Variants in UBE4B observed in about 807,000 individuals in gnomAD.
UBE4B encodes ubiquitin conjugation factor E4 B.
A neutral mutation model predicts 148.1 loss-of-function variants in UBE4B; 27 were observed. That is an observed-to-expected ratio of 0.18 (90% CI 0.13 to 0.25). The LOEUF is 0.25. Ranked by LOEUF, UBE4B falls within the 10% of genes least tolerant of loss-of-function variation. The probability of loss-of-function intolerance (pLI) is 1.00; values close to 1 mark genes in which losing one functional copy is unlikely to be tolerated. For missense variants in UBE4B, 1,170 were observed against 1,662.4 expected (o/e 0.70, Z 5.15); for synonymous variants, 596 against 619.3 (o/e 0.96, Z 0.56).
rs35822677 is a variant in UBE4B, at chr1:10,118,868, C to CTTTTTTTTTTTTTTT, written c.1339-626_1339-612dup. ...GTTTCACCATGTTGGCCAGGCTGGT[C>CTTTTTTTTTTTTTTT]TTTTTTTTTTTTTTTTTTTTTTTTT... is the stretch of plus-strand genomic sequence containing the variant. On this transcript the variant is annotated intron_variant, in intron 8 of 27. Transcript: ENST00000343090. 1.3e-4 allele frequency among the ~76,000 whole-genome samples: 3 copies of CTTTTTTTTTTTTTTT among 23,092 alleles called. 1 individual carries two copies. The highest frequency in any genetic ancestry group is 4.3e-4 in the African/African-American group (2 of 4,692). 15.1% of individuals were successfully genotyped at this position (23,092 alleles called of 152,430 possible).
At chr1:10,043,718 G>T (rs1035567856) in intron 1 of UBE4B, among the ~76,000 whole-genome samples, 1 of 152,152 alleles carries the variant, frequency 6.6e-6, no homozygotes, top group African/African-American at 2.4e-5. Context: ...GTGATCCAAC[G>T]CGCTGGGCCG....
intron 9 of UBE4B, 137 bp downstream of exon 9, chr1:10,119,750 C>T (rs902416930): frequency 1.3e-5 from 8 of 616,080 alleles, no homozygotes; most frequent in African/African-American, 9.3e-5. Context: ...CCCTTTCCTT[C>T]GCTAAAATAC....
intron 21 of UBE4B, among the ~76,000 whole-genome samples, chr1:10,154,383 T>TA (rs1455163591): frequency 5.3e-5 from 8 of 151,558 alleles, no homozygotes; most frequent in Non-Finnish European, 1.0e-4. Context: ...TAAAAAAATT[T>TA]TAAAAAAAAA....
intron 8 of UBE4B, 22 bp downstream of exon 8, chr1:10,117,622 TAAAAA>T (rs77011101): frequency 1.2e-6 from 1 of 800,072 alleles, no homozygotes; most frequent in African/African-American, 1.8e-5. Flanking sequence ...TGGATTAACT[TAAAAA>T]AAAAAAAGCC....
chr1:10,134,999 A>G lies in UBE4B; in HGVS notation c.2037A>G (p.Arg679=), dbSNP rs1645654767. 6.2e-7 allele frequency: 1 copy of G among 1,614,018 alleles called. No homozygotes were observed. The highest frequency in any genetic ancestry group is 1.1e-5 in the South Asian group (1 of 91,074). Residue 679 remains arginine (R), a synonymous_variant, in exon 16 of 28, where the codon AGA becomes AGG. Coordinates refer to ENST00000343090, the MANE Select transcript of UBE4B (RefSeq NM_001105562.3). ...MKKAQMQTDD[R]LVSTDGFMLN... The stretch of plus-strand genomic sequence containing the variant: ...TTCAACTTTCACAGACAGATGATAG[A>G]TTGGTGTCTACAGATGGATTTATGC...
intron 2 of UBE4B, among the ~76,000 whole-genome samples, chr1:10,083,832 C>T (rs1404728560): frequency 6.6e-6 from 1 of 152,120 alleles, no homozygotes; most frequent in African/African-American, 2.4e-5. Flanking sequence ...TTCGGGCCCC[C>T]AAAGGGGTAT....
At chr1:10,179,593 C>G in intron 27 of UBE4B, 31 bp downstream of exon 27, 6 of 1,609,016 alleles carry the variant, frequency 3.7e-6, no homozygotes, top group Non-Finnish European at 5.1e-6. Flanking sequence ...AGGTGCAGCG[C>G]TGGCGTCAGT....
At chr1:10,114,296 A>T (rs1415622416) in intron 7 of UBE4B, among the ~76,000 whole-genome samples, 2 of 152,208 alleles carry the variant, frequency 1.3e-5, no homozygotes. Context: ...AGTGCAGTGA[A>T]TATAGTCACT....
intron 1 of UBE4B, among the ~76,000 whole-genome samples, chr1:10,040,992 G>A (rs894880150): frequency 1.3e-5 from 2 of 152,054 alleles, no homozygotes; most frequent in African/African-American, 4.8e-5. Flanking sequence ...TTTTTCCTCA[G>A]AAGATAGTTG....
intron 15 of UBE4B, among the ~76,000 whole-genome samples, chr1:10,134,381 G>A (rs55704135): frequency 0.081 from 12,224 of 151,838 alleles, 759 homozygotes; most frequent in African/African-American, 0.18. Flanking sequence ...GCGTGGTGGC[G>A]GGTGCCTGTA....
chr1:10,118,285 G>A (rs1464661253), intron 8 of UBE4B, among the ~76,000 whole-genome samples: 1 of 152,122 alleles, frequency 6.6e-6, no homozygotes, highest in Non-Finnish European at 1.5e-5. Context: ...TTTGGGCTTT[G>A]TTGTACTTAG....
intron 2 of UBE4B, among the ~76,000 whole-genome samples, chr1:10,081,910 T>C (rs1644688792): frequency 6.6e-6 from 1 of 152,206 alleles, no homozygotes; most frequent in Admixed American, 6.5e-5. Flanking sequence ...AGACAAGTTC[T>C]CACTATGTTA....
At chr1:10,092,740 G>A (rs921663791) in intron 2 of UBE4B, among the ~76,000 whole-genome samples, 6 of 152,038 alleles carry the variant, frequency 3.9e-5, no homozygotes, top group Non-Finnish European at 5.9e-5. Flanking sequence ...AGGCAAGAGA[G>A]TTGCTTGAAC....
intron 2 of UBE4B, among the ~76,000 whole-genome samples, chr1:10,075,723 C>A (rs1644565532): frequency 6.6e-6 from 1 of 152,184 alleles, no homozygotes; most frequent in African/African-American, 2.4e-5. Context: ...AGTGAAAAAA[C>A]AAACAGAAAA....
Position 10,033,568 on chromosome 1 carries a change from G to C in UBE4B, c.-103G>C. On this transcript the variant is annotated 5_prime_UTR_variant, in exon 1 of 28. Transcript: ENST00000343090. Reference sequence around the variant, plus strand: ...ATTCTGAAACCTCCCCCATTCGGGGGACCAGACAGCCTGATAGACACCTTC... The same window carrying C: ...ATTCTGAAACCTCCCCCATTCGGGGCACCAGACAGCCTGATAGACACCTTC... The C allele has an allele frequency of 7.5e-7, 1 of 1,341,756 alleles. No homozygotes were observed. The highest frequency in any genetic ancestry group is 2.9e-5 in the Admixed American group (1 of 34,420). The allele number at this position is 1,341,756 out of a possible 1,614,324, so 83.1% of individuals were successfully genotyped here.
chr1:10,130,356 C>A, intron 12 of UBE4B, 144 bp from the exon 13 acceptor site: 7 of 717,176 alleles, frequency 9.8e-6, no homozygotes, highest in African/African-American at 1.8e-5. Flanking sequence ...GCTGGGATTA[C>A]AGGCGTGAGC....
chr1:10,059,181 G>C (rs1264868323), intron 1 of UBE4B: 2 of 152,212 alleles, frequency 1.3e-5, no homozygotes, highest in Non-Finnish European at 2.9e-5. Flanking sequence ...GGTGAGCCAA[G>C]ATTGCGCCAT....
intron 1 of UBE4B, among the ~76,000 whole-genome samples, chr1:10,062,330 T>G (rs1411350685): frequency 1.3e-5 from 2 of 152,106 alleles, no homozygotes; most frequent in Non-Finnish European, 2.9e-5. Context: ...TTGTTTCTTT[T>G]GAGGTGGAGT....
chr1:10,145,139 T>C, intron 18 of UBE4B, 100 bp downstream of exon 18: 1 of 792,718 alleles, frequency 1.3e-6, no homozygotes, highest in East Asian at 2.6e-5. Flanking sequence ...TCCTCACTTT[T>C]TCTTTGTTAT....
Sources: gnomAD v4.1 joint callset for allele counts (sites outside exome capture counted in the v4.1 genomes callset) on GRCh38, gnomAD v4.1.1 for gene constraint, MANE v1.5 for transcripts, NCBI Gene and HGNC (gene_info 2026-07-23, HGNC 2026-07-21) for gene names.